The following ZNF385A variants were observed in gnomAD, a reference collection of about 807,000 sequenced individuals.
The protein encoded by ZNF385A is zinc finger protein 385A.
A neutral mutation model predicts 32.1 loss-of-function variants in ZNF385A; 14 were observed. The ratio of observed to expected loss-of-function variants is 0.44; its 90% CI spans 0.29 to 0.68. The LOEUF (loss-of-function observed/expected upper bound fraction) is 0.68, where lower values mean the gene tolerates loss of function less well. ZNF385A is among the 30% of genes least tolerant of loss of function. The probability of loss-of-function intolerance (pLI) is 0.14; values close to 1 mark genes in which losing one functional copy is unlikely to be tolerated. For synonymous variants in ZNF385A, 197 were observed against 202.7 expected, an observed-to-expected ratio of 0.97 and a Z score of 0.24; for missense variants, 406 against 478.4, an observed-to-expected ratio of 0.85 and a Z score of 1.41.
At position 54,371,602 on chromosome 12, in the gene ZNF385A, C is replaced by A; in HGVS notation, c.475G>T (p.Gly159Trp). ...GGCAAGGAAGCCGGGGCTGGAGTCC[C>A]CCCTTCACCCTTGGTTACACCCTGA... ...TGQGVTKGEGGTPAPASLPGG... is the reference protein window; with the variant it reads ...TGQGVTKGEGWTPAPASLPGG... The change falls in exon 4 of 7, where the codon GGG becomes TGG. Residue 159 changes from glycine to tryptophan, a missense_variant. By Grantham distance (184) the Gly-to-Trp change is radical (BLOSUM62 -2). Transcript: ENST00000394313. 1 of 1,613,414 alleles carries A rather than the reference C, an allele frequency of 6.2e-7. No individual in the cohort carries two copies. The highest frequency in any genetic ancestry group is 1.3e-5 in the African/African-American group (1 of 74,996).
intron 1 of ZNF385A, among the ~76,000 whole-genome samples, chr12:54,377,617 T>C (rs780566339): frequency 6.6e-6 from 1 of 152,164 alleles, no homozygotes; most frequent in Non-Finnish European, 1.5e-5. Context: ...AAATGTATGA[T>C]GTGTTTGGCA....
intron 2 of ZNF385A, among the ~76,000 whole-genome samples, chr12:54,374,544 C>CA (rs1235171203): frequency 2.0e-5 from 3 of 152,288 alleles, no homozygotes; most frequent in African/African-American, 7.2e-5. Flanking sequence ...CCCTAGGATC[C>CA]AGCCTTTGCT....
rs552066340 is a variant in ZNF385A at position 54,371,816 on chromosome 12, A to G, written c.362-101T>C. On this transcript the variant is annotated intron_variant, in intron 3 of 6. Transcript: ENST00000394313. Reference sequence around the variant, plus strand: ...CCCATTTCCTGGAGGGCAAGGGACCAGGAGTCCCCACCCTGTTACAACATG... The same window carrying G: ...CCCATTTCCTGGAGGGCAAGGGACCGGGAGTCCCCACCCTGTTACAACATG... The G allele has an allele frequency of 1.4e-5, 21 of 1,537,294 alleles. No individual in the cohort carries two copies. The East Asian group carries it at 4.5e-4, about 33-fold the overall frequency.
In ZNF385A at chr12:54,369,891, C is replaced by A; in HGVS notation, c.*365G>T. On this transcript the variant is annotated 3_prime_UTR_variant, in exon 7 of 7. Transcript: ENST00000394313. ...TTGCCAAGAAAATCCATTTCTGTCC[C>A]CCCCGGACCCCGACCATGGCTTGTG... The A allele has an allele frequency of 5.1e-6, 1 of 197,262 alleles. No individual in the cohort carries two copies. The highest frequency in any genetic ancestry group is 1.0e-5 in the Non-Finnish European group (1 of 97,494). 12.2% of individuals were successfully genotyped at this position (197,262 alleles called of 1,614,324 possible). A position where few individuals can be genotyped will look rare whatever the true frequency, so the allele number is the denominator to read the frequency against.
upstream of ZNF385A, among the ~76,000 whole-genome samples, chr12:54,388,642 A>G (rs1955556495): frequency 6.6e-6 from 1 of 152,238 alleles, no homozygotes; most frequent in Non-Finnish European, 1.5e-5. Context: ...TTAGGGCCCA[A>G]GGTGGTAAAA....
chr12:54,371,770 C>A, intron 3 of ZNF385A, 55 bp from the exon 4 acceptor site: 2 of 1,597,100 alleles, frequency 1.3e-6, no homozygotes, highest in Non-Finnish European at 1.7e-6. Flanking sequence ...GGAGAAGACT[C>A]TTCATGTGGA....
At chr12:54,390,586 G>A (rs1026309772) in intron 1 of ZNF385A, among the ~76,000 whole-genome samples, 1 of 152,070 alleles carries the variant, frequency 6.6e-6, no homozygotes, top group Non-Finnish European at 1.5e-5. Context: ...GATGGCTGTG[G>A]AGACAGGCTC....
At chr12:54,379,163 G>A (rs1470758606) in intron 1 of ZNF385A, 3 of 981,042 alleles carry the variant, frequency 3.1e-6, no homozygotes, top group Non-Finnish European at 3.6e-6. Context: ...GGGACGCGGC[G>A]CTCGTTGCCC....
chr12:54,377,585 T>A (rs1954914037), intron 1 of ZNF385A, among the ~76,000 whole-genome samples: 1 of 152,178 alleles, frequency 6.6e-6, no homozygotes, highest in Non-Finnish European at 1.5e-5. Flanking sequence ...GGTGTAATCT[T>A]CAGCTGTGTG....
chr12:54,378,693 G>C (rs1954970802), intron 1 of ZNF385A, among the ~76,000 whole-genome samples: 1 of 152,124 alleles, frequency 6.6e-6, no homozygotes, highest in Non-Finnish European at 1.5e-5. Context: ...GGGAGCTAGG[G>C]GGTATCTAGA....
At chr12:54,383,202 T>A in intron 1 of ZNF385A, among the ~76,000 whole-genome samples, 1 of 151,436 alleles carries the variant, frequency 6.6e-6, no homozygotes, top group East Asian at 1.9e-4. Flanking sequence ...AATAAAGCTT[T>A]AGCTTTAGCA....
At chr12:54,374,407 C>CT in intron 2 of ZNF385A, among the ~76,000 whole-genome samples, 1 of 151,822 alleles carries the variant, frequency 6.6e-6, no homozygotes, top group Middle Eastern at 3.2e-3. Flanking sequence ...GACTCAGACC[C>CT]CCACCTAGTC....
At chr12:54,385,457 C>T (rs951739779), upstream of ZNF385A, among the ~76,000 whole-genome samples, 9 of 152,212 alleles carry the variant, frequency 5.9e-5, no homozygotes, top group Non-Finnish European at 1.0e-4. Context: ...TGGGCTTCCA[C>T]TGGCCCAGCT....
upstream of ZNF385A, chr12:54,384,783 G>T: frequency 4.8e-6 from 6 of 1,239,606 alleles, no homozygotes; most frequent in Non-Finnish European, 5.0e-6. Context: ...CTTCTGGGTG[G>T]TTTTCACTTC....
In ZNF385A at chr12:54,371,650, G is replaced by A; in HGVS notation, c.427C>T (p.Pro143Ser). The change falls in exon 4 of 7, where the codon CCT (proline) becomes TCT (serine). Residue 143 changes from proline (P) to serine (S), a missense_variant. Pro to Ser is a moderately conservative substitution (Grantham distance 74, BLOSUM62 -1). Coordinates refer to ENST00000394313, the MANE Select transcript of ZNF385A (RefSeq NM_015481.3). ...SPEKQPGSPS[P>S]PSIPETGQGV... is the part of the protein sequence containing the mutation. ...TGACCAGTCTCCGGAATGCTGGGAG[G>A]GGATGGGGAGCCAGGCTGTTTCTCT... The A allele has an allele frequency of 6.2e-7, 1 of 1,610,812 alleles. No individual in the cohort carries two copies. Among genetic ancestry groups the A allele is most frequent in the African/African-American group, 1.3e-5 (1 of 74,782 alleles).
At chr12:54,384,363 G>A in intron 1 of ZNF385A, 65 bp downstream of exon 1, 1 of 1,496,328 alleles carries the variant, frequency 6.7e-7, no homozygotes, top group East Asian at 2.6e-5. Flanking sequence ...AGAGGGCAGA[G>A]GTGGGTCTGA....
At chr12:54,385,019 G>C, upstream of ZNF385A, 1 of 494,514 alleles carries the variant, frequency 2.0e-6, no homozygotes, top group Non-Finnish European at 2.6e-6. Context: ...ACCAGAGGGG[G>C]ATATTGAGAC....
At chr12:54,381,380 A>G (rs1035746569) in intron 1 of ZNF385A, 1 of 152,154 alleles carries the variant, frequency 6.6e-6, no homozygotes, top group Admixed American at 6.5e-5. Context: ...ACCCTGCTGA[A>G]CTCTTCAAGC....
Position 54,369,907 on chromosome 12 carries a change from A to T in ZNF385A, c.*349T>A. 1 of 213,172 alleles carries T rather than the reference A, an allele frequency of 4.7e-6. No individual in the cohort carries two copies. Among genetic ancestry groups the T allele is most frequent in the Non-Finnish European group, 9.3e-6 (1 of 107,668 alleles). 13.2% of individuals were successfully genotyped at this position (213,172 alleles called of 1,614,324 possible). ...TTTCTGTCCCCCCCGGACCCCGACC[A>T]TGGCTTGTGAACCCCGTTTTGTGCT... On this transcript the variant is annotated 3_prime_UTR_variant, in exon 7 of 7. Coordinates refer to ENST00000394313, the MANE Select transcript of ZNF385A (RefSeq NM_015481.3).
Sources: gnomAD v4.1 joint callset for allele counts (sites outside exome capture counted in the v4.1 genomes callset) on GRCh38, gnomAD v4.1.1 for gene constraint, MANE v1.5 for transcripts, NCBI Gene and HGNC (gene_info 2026-07-23, HGNC 2026-07-21) for gene names.